The following SIAE variants were observed in gnomAD, a reference collection of about 807,000 sequenced individuals.
The protein encoded by SIAE is sialate O-acetylesterase.
A neutral mutation model predicts 52.6 loss-of-function variants in SIAE; 39 were observed. The observed-to-expected ratio is 0.74, with a 90% CI of 0.57 to 0.97. SIAE has a LOEUF of 0.97. Among genes scored for constraint, SIAE ranks in the 50% least tolerant of loss-of-function variants. SIAE has a pLI of 0.00. For missense variants in SIAE, 592 were observed against 662.1 expected, an observed-to-expected ratio of 0.89 and a Z score of 1.16; for synonymous variants, 233 against 241.4, an observed-to-expected ratio of 0.97 and a Z score of 0.32.
intron 1 of SIAE, among the ~76,000 whole-genome samples, chr11:124,671,128 G>A (rs1046726007): frequency 2.6e-5 from 4 of 152,188 alleles, no homozygotes; most frequent in Non-Finnish European, 4.4e-5. Context: ...TACACTTAGT[G>A]AACATCTTTG....
At position 124,649,699 on chromosome 11, in the gene SIAE, G is replaced by A. The variant is rs777190714; in HGVS notation, c.642C>T (p.Ile214=). Reference sequence around the variant, plus strand: ...TGGGTGTCCCGCCCCAGCTGGAGGCGATCAGCCCGATGGGATACTGCAGAG... The same window carrying A: ...TGGGTGTCCCGCCCCAGCTGGAGGCAATCAGCCCGATGGGATACTGCAGAG... The part of the protein sequence containing the change: ...YDTLQYPIGL[I]ASSWGGTPIE... The change falls in exon 5 of 10, where the codon ATC becomes ATT. Residue 214 remains isoleucine (I), a synonymous_variant. Coordinates refer to ENST00000263593, the MANE Select transcript of SIAE (RefSeq NM_170601.5). The A allele has an allele frequency of 3.1e-6, 5 of 1,614,018 alleles. No homozygotes were observed. Among genetic ancestry groups the A allele is most frequent in the African/African-American group, 1.3e-5 (1 of 74,896 alleles).
intron 5 of SIAE, 102 bp downstream of exon 5, chr11:124,649,517 G>A: frequency 1.6e-6 from 2 of 1,226,240 alleles, no homozygotes; most frequent in Non-Finnish European, 2.4e-6. Flanking sequence ...AACACATATT[G>A]GGACATTCAC....
At position 124,633,882 on chromosome 11, in the gene SIAE, C is replaced by G. The variant is rs1321923925; in HGVS notation, c.*3069G>C. ...CTGAGTAATACCCGTATTAAAAGAG[C>G]CTCATTTTAGAAAGACATTTAAAAT... is the stretch of plus-strand genomic sequence containing the variant. On this transcript the variant is annotated 3_prime_UTR_variant, in exon 10 of 10. Transcript: ENST00000263593. 1.3e-5 allele frequency: 2 copies of G among 152,104 alleles called. No individual in the cohort carries two copies. The highest frequency in any genetic ancestry group is 1.3e-4 in the Admixed American group (2 of 15,272). 9.4% of individuals were successfully genotyped at this position (152,104 alleles called of 1,614,324 possible). A position where few individuals can be genotyped will look rare whatever the true frequency, so the allele number is the denominator to read the frequency against.
intron 6 of SIAE, 152 bp from the exon 7 acceptor site, chr11:124,647,650 G>A: frequency 1.0e-6 from 1 of 953,836 alleles, no homozygotes. Flanking sequence ...ATCAGCAAAT[G>A]TGGTACGAAC....
intron 3 of SIAE, among the ~76,000 whole-genome samples, chr11:124,657,015 C>G (rs186312075): frequency 2.8e-4 from 42 of 150,040 alleles, no homozygotes; most frequent in African/African-American, 9.5e-4. Context: ...CCTTGAATCT[C>G]TCTGGACTTG....
In SIAE at chr11:124,647,277, C is replaced by G. The variant is rs531523777; in HGVS notation, c.966+88G>C. ...ATCCAGGAAAGAGATCCAAATAGCA[C>G]ATCCCCACACCAATGCCCATAAACC... On this transcript the variant is annotated intron_variant, in intron 7 of 9. Transcript: ENST00000263593. 32 of 1,562,366 alleles carry G rather than the reference C, an allele frequency of 2.0e-5. No homozygotes were observed. The East Asian group carries it at 7.2e-4, about 35-fold the overall frequency.
At chr11:124,654,941 C>T (rs537730673) in intron 3 of SIAE, 148 bp from the exon 4 acceptor site, 14 of 859,686 alleles carry the variant, frequency 1.6e-5, no homozygotes, top group Non-Finnish European at 2.7e-5. Flanking sequence ...ACTGAATCAC[C>T]TTGATCCACT....
intron 2 of SIAE, among the ~76,000 whole-genome samples, chr11:124,661,707 A>G (rs2134383820): frequency 6.6e-6 from 1 of 152,246 alleles, no homozygotes; most frequent in East Asian, 1.9e-4. Context: ...GGGAAAATAG[A>G]AAAAAAATGG....
intron 7 of SIAE, among the ~76,000 whole-genome samples, chr11:124,643,335 C>T (rs532224900): frequency 6.6e-6 from 1 of 152,194 alleles, no homozygotes; most frequent in South Asian, 2.1e-4. Flanking sequence ...CATGTATGGC[C>T]TTGCTGACCT....
intron 3 of SIAE, 31 bp from the exon 4 acceptor site, chr11:124,654,824 T>C (rs759471861): frequency 1.2e-6 from 2 of 1,612,122 alleles, no homozygotes; most frequent in Non-Finnish European, 1.7e-6. Flanking sequence ...TCATTTAACC[T>C]AGCAGGTGGT....
At chr11:124,675,075 A>G (rs1943442906), upstream of SIAE, 1 of 605,296 alleles carries the variant, frequency 1.7e-6, no homozygotes, top group Non-Finnish European at 2.7e-6. Flanking sequence ...CACAATGGAG[A>G]TTTCAAAACT....
intron 3 of SIAE, 111 bp from the exon 4 acceptor site, chr11:124,654,904 A>T: frequency 7.7e-7 from 1 of 1,291,830 alleles, no homozygotes; most frequent in Non-Finnish European, 1.1e-6. Flanking sequence ...ACTGAGATCA[A>T]ATTAATAACC....
At chr11:124,641,748 C>T (rs1255005628) in intron 7 of SIAE, among the ~76,000 whole-genome samples, 5 of 152,168 alleles carry the variant, frequency 3.3e-5, no homozygotes, top group Admixed American at 6.5e-5. Flanking sequence ...CACCTGAGGT[C>T]AGGAGTTCAA....
Position 124,648,047 on chromosome 11 carries a change from G to A in SIAE, c.832+19C>T. The A allele has an allele frequency of 6.4e-7, 1 of 1,567,492 alleles. No individual in the cohort carries two copies. Among genetic ancestry groups the A allele is most frequent in the Non-Finnish European group, 8.8e-7 (1 of 1,137,626 alleles). The stretch of plus-strand genomic sequence containing the variant: ...AACGCTATCTGATACAATGGAGAAA[G>A]AGTACACTGAACACTTACCCTGGTA... On this transcript the variant is annotated intron_variant, in intron 6 of 9. Coordinates refer to ENST00000263593, the MANE Select transcript of SIAE (RefSeq NM_170601.5).
chr11:124,665,949 A>C lies in SIAE; in HGVS notation c.229+3411T>G, dbSNP rs528987456. ...TATTTACCTCAATCATGATGACAAA[A>C]ATATAGACAGACACACCCTCATTTT... On this transcript the variant is annotated intron_variant, in intron 2 of 9. Coordinates refer to ENST00000263593, the MANE Select transcript of SIAE (RefSeq NM_170601.5). Among the ~76,000 whole-genome samples the C allele has an allele frequency of 3.3e-5, 5 of 152,300 alleles. No homozygotes were observed. In the East Asian group the frequency reaches 7.7e-4, roughly 23 times the overall value.
At chr11:124,668,007 C>T (rs1250098501) in intron 2 of SIAE, among the ~76,000 whole-genome samples, 3 of 152,172 alleles carry the variant, frequency 2.0e-5, no homozygotes, top group East Asian at 1.9e-4. Flanking sequence ...GCTGCCACAG[C>T]GAACTTTCTA....
At chr11:124,646,252 T>C (rs916037121) in intron 7 of SIAE, among the ~76,000 whole-genome samples, 1 of 152,248 alleles carries the variant, frequency 6.6e-6, no homozygotes, top group African/African-American at 2.4e-5. Flanking sequence ...ATGGTTTCTC[T>C]TGCTATCTTT....
intron 3 of SIAE, chr11:124,659,798 T>C (rs2134381129): frequency 6.6e-6 from 1 of 152,212 alleles, no homozygotes; most frequent in Non-Finnish European, 1.5e-5. Context: ...AAGATCATTT[T>C]AGTAGCATTA....
In SIAE at chr11:124,662,440, C is replaced by T. The variant is rs546033755; in HGVS notation, c.230-1637G>A. Among the ~76,000 whole-genome samples the T allele has an allele frequency of 2.0e-5, 3 of 152,308 alleles. No individual in the cohort carries two copies. In the East Asian group the frequency reaches 5.8e-4, roughly 29 times the overall value. On this transcript the variant is annotated intron_variant, in intron 2 of 9. Transcript: ENST00000263593. ...ATTTACTTATGGTGGTGAGGTCAAC[C>T]TCCAGAAAACCAAGGACTATTTCTT... is the stretch of plus-strand genomic sequence containing the variant.
Sources: allele counts gnomAD v4.1 joint callset (sites outside exome capture counted in the v4.1 genomes callset), GRCh38; gene constraint gnomAD v4.1.1; transcripts MANE v1.5; gene names NCBI Gene and HGNC (gene_info 2026-07-23, HGNC 2026-07-21).